Variants in IHO1 observed in about 807,000 individuals in gnomAD.
IHO1 encodes the protein interactor of HORMAD1 1, also known as interactor of HORMAD1 protein 1.
In IHO1, 13 loss-of-function variants were observed where a neutral mutation model predicts 31.0. That is an observed-to-expected ratio of 0.42 (90% CI 0.27 to 0.67). The LOEUF is 0.67. IHO1 is among the 30% of genes least tolerant of loss of function. IHO1 has a pLI of 0.24. For synonymous variants in IHO1, 221 were observed against 248.4 expected, an observed-to-expected ratio of 0.89 and a Z score of 1.04; for missense variants, 599 against 687.5, an observed-to-expected ratio of 0.87 and a Z score of 1.44.
At chr3:49,206,017 G>T (rs1280586036) in intron 1 of IHO1, among the ~76,000 whole-genome samples, 1 of 151,770 alleles carries the variant, frequency 6.6e-6, no homozygotes, top group Non-Finnish European at 1.5e-5. Context: ...AGGCTGGAGT[G>T]CAGTGGCGCG....
At chr3:49,233,654 T>C (rs1470376574) in intron 2 of IHO1, among the ~76,000 whole-genome samples, 1 of 152,252 alleles carries the variant, frequency 6.6e-6, no homozygotes, top group Non-Finnish European at 1.5e-5. Flanking sequence ...AAAGCTACCT[T>C]TGCTTTTATC....
chr3:49,251,397 T>C lies in IHO1; in HGVS notation c.533-3993T>C, dbSNP rs568869469. Among the ~76,000 whole-genome samples the C allele has an allele frequency of 2.0e-5, 3 of 151,822 alleles. No homozygotes were observed. The South Asian group carries it at 6.2e-4, about 32-fold the overall frequency. ...GCCTCCTGGGTTCAAGTGTTTCTCCTGCCTCAGCCTCCTGAGTAGCTGGGA... is the reference window on the plus strand; with the variant it reads ...GCCTCCTGGGTTCAAGTGTTTCTCCCGCCTCAGCCTCCTGAGTAGCTGGGA... On this transcript the variant is annotated intron_variant, in intron 6 of 7. Coordinates refer to ENST00000452691, the MANE Select transcript of IHO1 (RefSeq NM_001135197.2).
chr3:49,199,722 C>G (rs1559434026), intron 1 of IHO1, 149 bp downstream of exon 1: 1 of 150,634 alleles, frequency 6.6e-6, no homozygotes, highest in Non-Finnish European at 1.5e-5. Context: ...CCTCCCCTGC[C>G]CTTTCTTTCC....
chr3:49,254,320 T>C (rs2046798056), intron 6 of IHO1, among the ~76,000 whole-genome samples: 1 of 152,084 alleles, frequency 6.6e-6, no homozygotes, highest in South Asian at 2.1e-4. Flanking sequence ...ATGCAGAATC[T>C]CACTGTGCAA....
At chr3:49,215,019 T>C (rs1271963261) in intron 2 of IHO1, among the ~76,000 whole-genome samples, 1 of 151,512 alleles carries the variant, frequency 6.6e-6, no homozygotes, top group African/African-American at 2.4e-5. Context: ...TATCCAAGAT[T>C]GCCAAATCCA....
intron 3 of IHO1, among the ~76,000 whole-genome samples, chr3:49,240,318 T>C (rs758354474): frequency 3.5e-4 from 53 of 151,878 alleles, no homozygotes; most frequent in Non-Finnish European, 5.2e-4. Flanking sequence ...CCTCCTTCTG[T>C]GTTAAAGCAA....
rs377009706 is a variant in IHO1 at position 49,243,391 on chromosome 3, G to A, written c.396-1013G>A. On this transcript the variant is annotated intron_variant, in intron 4 of 7. Coordinates refer to ENST00000452691, the MANE Select transcript of IHO1 (RefSeq NM_001135197.2). ...AACTCCTGACCTCAGGTGATCCACC[G>A]GCCTCAGCCTCCCAAAGTGATGGGA... Among the ~76,000 whole-genome samples the A allele has an allele frequency of 1.4e-4, 22 of 151,748 alleles. No homozygotes were observed. In the East Asian group the frequency reaches 2.6e-3, roughly 18 times the overall value.
rs1203146088 is a variant in IHO1 at position 49,200,506 on chromosome 3, A to G, written c.-16+933A>G. 8.7e-5 allele frequency: 77 copies of G among 886,872 alleles called. 3 individuals carry two copies. The highest frequency in any genetic ancestry group is 1.0e-4 in the Non-Finnish European group (77 of 743,130). 54.9% of individuals were successfully genotyped at this position (886,872 alleles called of 1,614,324 possible). A position where few individuals can be genotyped will look rare whatever the true frequency, so the allele number is the denominator to read the frequency against. On this transcript the variant is annotated intron_variant, in intron 1 of 7. Transcript: ENST00000452691. ...AAGAAAGAAAGAAAGAAAGAAAGAA[A>G]GAAAGAAAGAAAAGAAAAAAGATTG...
chr3:49,212,400 C>G (rs963522269), intron 2 of IHO1, among the ~76,000 whole-genome samples: 1 of 151,042 alleles, frequency 6.6e-6, no homozygotes, highest in Non-Finnish European at 1.5e-5. Flanking sequence ...CCTGTAATCT[C>G]AGCTACTGGG....
chr3:49,223,003 A>C (rs971791087), intron 2 of IHO1, among the ~76,000 whole-genome samples: 3 of 152,124 alleles, frequency 2.0e-5, no homozygotes, highest in African/African-American at 7.2e-5. Context: ...CCAACACTAG[A>C]TCTCCTGGTT....
rs191300627 is a variant in IHO1 at position 49,249,905 on chromosome 3, G to A, written c.532+5172G>A. ...AAAAGGAAAATCACTGGCCATCCGGGGAAAAGCTTGCATCACAATCTGATC... is the reference window on the plus strand; with the variant it reads ...AAAAGGAAAATCACTGGCCATCCGGAGAAAAGCTTGCATCACAATCTGATC... On this transcript the variant is annotated intron_variant, in intron 6 of 7. Transcript: ENST00000452691. 1.9e-3 allele frequency among the ~76,000 whole-genome samples: 284 copies of A among 152,232 alleles called. 6 individuals carry two copies. Among genetic ancestry groups the A allele is most frequent in the Middle Eastern group, 6.8e-3 (2 of 294 alleles).
chr3:49,209,665 C>T (rs1331502230), intron 1 of IHO1, among the ~76,000 whole-genome samples: 1 of 151,128 alleles, frequency 6.6e-6, no homozygotes, highest in Non-Finnish European at 1.5e-5. Flanking sequence ...TTTCTAATTC[C>T]ATGAGTATAA....
chr3:49,247,121 T>C (rs1470381569), intron 6 of IHO1, among the ~76,000 whole-genome samples: 13 of 151,886 alleles, frequency 8.6e-5, no homozygotes, highest in Non-Finnish European at 2.9e-5. Flanking sequence ...AGTGCTGGGA[T>C]TACAGGCGTG....
Position 49,256,226 on chromosome 3 carries a change from GC to G in IHO1, c.730del (p.Gln244SerfsTer2). The G allele has an allele frequency of 6.2e-7, 1 of 1,614,156 alleles. No homozygotes were observed. Among genetic ancestry groups the G allele is most frequent in the Non-Finnish European group, 8.5e-7 (1 of 1,179,994 alleles). ...GTCAGGAATTCCAGCAGCTGTGTGA[GC>G]AGCTAGGCCAGCTGAATGTGCCCAG... ...QSQEFQQLCE[Q>X]LGQLNVPSVL... On this transcript the variant is annotated frameshift_variant, in exon 8 of 8. Coordinates refer to ENST00000452691, the MANE Select transcript of IHO1 (RefSeq NM_001135197.2). LOFTEE classifies it low-confidence loss of function (END_TRUNC). The surrounding 1 kb of genome is among the most constrained non-coding windows in gnomAD (Gnocchi z 4.6).
the IHO1 span, chr3:49,191,585 G>C: frequency 2.5e-6 from 2 of 784,838 alleles, no homozygotes; most frequent in Non-Finnish European, 4.5e-6. Context: ...GCAGCCTCCA[G>C]GGGTGACCTC....
intron 6 of IHO1, among the ~76,000 whole-genome samples, chr3:49,249,165 A>G (rs1159921282): frequency 2.6e-5 from 4 of 152,202 alleles, no homozygotes; most frequent in Non-Finnish European, 5.9e-5. Context: ...TGAGGACACT[A>G]AGGACCACAG....
In IHO1 at chr3:49,256,574, C is replaced by G. The variant is rs767194069; in HGVS notation, c.1077C>G (p.Asn359Lys). 1.5e-5 allele frequency: 24 copies of G among 1,614,068 alleles called. 1 individual carries two copies. The South Asian group carries it at 2.4e-4, about 16-fold the overall frequency. The change falls in exon 8 of 8, where the codon AAC (asparagine) becomes AAG (lysine). Residue 359 changes from asparagine to lysine, a missense_variant. Physicochemically the swap from Asn to Lys is moderately conservative, Grantham distance 94 (BLOSUM62 0). Coordinates refer to ENST00000452691, the MANE Select transcript of IHO1 (RefSeq NM_001135197.2). The surrounding 1 kb of genome is among the most constrained non-coding windows in gnomAD (Gnocchi z 4.6). ...AGGTGGTGCAGACTAACTGCAAGAA[C>G]TGGGCTGTTACTAAAACAGGTGCCA... ...KDKVVQTNCK[N>K]WAVTKTGAKN...
intron 4 of IHO1, among the ~76,000 whole-genome samples, chr3:49,243,862 A>G (rs1575584854): frequency 6.6e-6 from 1 of 151,812 alleles, no homozygotes; most frequent in East Asian, 1.9e-4. Flanking sequence ...TTTACATATA[A>G]ATATGTATAT....
intron 2 of IHO1, among the ~76,000 whole-genome samples, chr3:49,229,908 C>T (rs1047500693): frequency 2.1e-4 from 32 of 152,118 alleles, no homozygotes; most frequent in Non-Finnish European, 1.5e-5. Flanking sequence ...AATTCCTGAG[C>T]AGTTTTACAG....
Sources: gnomAD v4.1 joint callset for allele counts (sites outside exome capture counted in the v4.1 genomes callset) on GRCh38, gnomAD v4.1.1 for gene constraint, Gnocchi (gnomAD v3.1) non-coding constraint, MANE v1.5 for transcripts, NCBI Gene and HGNC (gene_info 2026-07-23, HGNC 2026-07-21) for gene names.